The following NAV2 variants were observed in gnomAD, a reference collection of about 807,000 sequenced individuals.
NAV2 encodes helicase, APC down-regulated 1.
Under a neutral mutation model 223.2 loss-of-function variants are expected in NAV2, and 54 were observed. The ratio of observed to expected loss-of-function variants is 0.24; its 90% CI spans 0.19 to 0.30. The LOEUF (loss-of-function observed/expected upper bound fraction) is 0.30, where lower values mean the gene tolerates loss of function less well. NAV2 is among the 10% of genes least tolerant of loss of function. The pLI is 1.00. For synonymous variants in NAV2, 1,279 were observed against 1,239.3 expected (o/e 1.03, Z -0.67); for missense variants, 2,806 against 3,147.5 (o/e 0.89, Z 2.60).
intron 11 of NAV2, among the ~76,000 whole-genome samples, chr11:20,005,000 G>C (rs138591017): frequency 6.6e-6 from 1 of 151,954 alleles, no homozygotes; most frequent in African/African-American, 2.4e-5. Flanking sequence ...GCTTACTTGC[G>C]ATAATCCCAA....
At chr11:19,415,253 T>C (rs1850316398) in intron 1 of NAV2, among the ~76,000 whole-genome samples, 1 of 151,918 alleles carries the variant, frequency 6.6e-6, no homozygotes, top group African/African-American at 2.4e-5. Flanking sequence ...TAAAAAATGG[T>C]AAAGGGGATA....
chr11:20,114,777 T>G lies in NAV2; in HGVS notation c.7146T>G (p.Asp2382Glu), dbSNP rs1287891670. 1.8e-5 allele frequency: 29 copies of G among 1,613,574 alleles called. No individual in the cohort carries two copies. The Middle Eastern group carries it at 1.5e-3, about 83-fold the overall frequency. ...CAAGCAAGCAGATGCCCCCCAGTGA[T>G]GCTGAAGGTGACCCGCTGGTGAGTC... ...GSTSKQMPPSDAEGDPLMNML... is the reference protein window; with the variant it reads ...GSTSKQMPPSEAEGDPLMNML... The change falls in exon 37 of 38, where the codon GAT becomes GAG. Residue 2382 changes from aspartate (D) to glutamate (E), a missense_variant. Around this residue, in one of 4 missense-constraint regions of NAV2, gnomAD observed 824 missense variants for 1,069.4 expected, o/e 0.77. Coordinates refer to ENST00000349880, the MANE Select transcript of NAV2 (RefSeq NM_145117.5).
intron 1 of NAV2, chr11:19,504,781 A>C (rs573641998): frequency 1.3e-5 from 2 of 152,194 alleles, no homozygotes; most frequent in Non-Finnish European, 2.9e-5. Context: ...TCCCCCTGGC[A>C]TGTAAGGTAG....
chr11:19,811,960 A>G (rs1276354661), intron 1 of NAV2, among the ~76,000 whole-genome samples: 3 of 152,098 alleles, frequency 2.0e-5, no homozygotes, highest in Non-Finnish European at 4.4e-5. Flanking sequence ...TGGTCTTCCT[A>G]TGGCTTAGTG....
At chr11:19,742,585 T>G (rs1284693972) in intron 1 of NAV2, among the ~76,000 whole-genome samples, 5 of 152,164 alleles carry the variant, frequency 3.3e-5, no homozygotes, top group African/African-American at 1.2e-4. Context: ...CTCCTTGTTC[T>G]GCTTGGTGCC....
chr11:19,664,775 A>T (rs1178683657), intron 1 of NAV2, among the ~76,000 whole-genome samples: 1 of 152,196 alleles, frequency 6.6e-6, no homozygotes, highest in African/African-American at 2.4e-5. Context: ...GAGAATGTTG[A>T]GTTCCACCTC....
chr11:19,841,570 T>C (rs539538155), intron 2 of NAV2, among the ~76,000 whole-genome samples: 4 of 152,102 alleles, frequency 2.6e-5, no homozygotes, highest in Non-Finnish European at 5.9e-5. Flanking sequence ...ACAGCATATT[T>C]TGGGGAAACA....
At chr11:19,792,546 G>A (rs2152732288) in intron 1 of NAV2, among the ~76,000 whole-genome samples, 2 of 152,280 alleles carry the variant, frequency 1.3e-5, no homozygotes, top group East Asian at 1.9e-4. Context: ...TTGCTGCTGT[G>A]ACACTGCTGC....
intron 9 of NAV2, among the ~76,000 whole-genome samples, chr11:19,947,529 A>G (rs1436672465): frequency 6.6e-6 from 1 of 152,204 alleles, no homozygotes; most frequent in Non-Finnish European, 1.5e-5. Context: ...TAATGTTGGC[A>G]TAGCAGTTTG....
At chr11:19,487,544 G>A (rs981269336) in intron 1 of NAV2, among the ~76,000 whole-genome samples, 6 of 152,130 alleles carry the variant, frequency 3.9e-5, no homozygotes, top group African/African-American at 7.2e-5. Context: ...TGCATCCTGC[G>A]GAACTCTTTC....
At chr11:19,396,157 G>A (rs1233306592) in intron 1 of NAV2, among the ~76,000 whole-genome samples, 1 of 152,204 alleles carries the variant, frequency 6.6e-6, no homozygotes, top group African/African-American at 2.4e-5. Context: ...AGTCTCAGCA[G>A]CTATGAAAAT....
At chr11:19,585,105 G>T (rs2045850791) in intron 1 of NAV2, among the ~76,000 whole-genome samples, 1 of 152,148 alleles carries the variant, frequency 6.6e-6, no homozygotes, top group African/African-American at 2.4e-5. Flanking sequence ...AGCTCTTCTT[G>T]TTGAATTGAT....
intron 1 of NAV2, among the ~76,000 whole-genome samples, chr11:19,364,411 G>A (rs755460443): frequency 6.6e-6 from 1 of 152,170 alleles, no homozygotes; most frequent in Non-Finnish European, 1.5e-5. Context: ...ACAGAGGGAT[G>A]CTTACTTATT....
At position 20,045,152 on chromosome 11, in the gene NAV2, C is replaced by T. The variant is rs530942321; in HGVS notation, c.3384C>T (p.Ser1128=). Residue 1128 remains serine, a synonymous_variant, in exon 14 of 38, where the codon TCC becomes TCT. Coordinates refer to ENST00000349880, the MANE Select transcript of NAV2 (RefSeq NM_145117.5). ...NSFGFKKQSG[S]AAGLAMITAS... ...TTGGGTTCAAGAAGCAGAGTGGTTC[C>T]GCCGCCGGCCTGGCCATGATCACAG... The T allele has an allele frequency of 1.2e-4, 192 of 1,614,060 alleles. 1 individual carries two copies. In the East Asian group the frequency reaches 2.8e-3, roughly 24 times the overall value.
chr11:19,912,693 C>T (rs564362097), intron 6 of NAV2, among the ~76,000 whole-genome samples: 1 of 152,280 alleles, frequency 6.6e-6, no homozygotes, highest in East Asian at 1.9e-4. Context: ...TGTAAATTTC[C>T]AAGAGACCCA....
rs1029134383 is a variant in NAV2 at position 19,598,565 on chromosome 11, A to G, written c.76-233919A>G. On this transcript the variant is annotated intron_variant, in intron 1 of 37. Transcript: ENST00000360655. ...TGCCAGACCCTCTTCTAGGTGATGT[A>G]TATGTATTTATTCATTTAACCTCAG... Among the ~76,000 whole-genome samples, 7 of 152,082 alleles carry G rather than the reference A, an allele frequency of 4.6e-5. No homozygotes were observed. The South Asian group carries it at 6.2e-4, about 14-fold the overall frequency.
intron 22 of NAV2, among the ~76,000 whole-genome samples, chr11:20,069,865 T>G (rs933533157): frequency 1.3e-5 from 2 of 152,202 alleles, no homozygotes; most frequent in Admixed American, 1.3e-4. Context: ...CTTAGTTTAC[T>G]CAAGGGAACC....
intron 6 of NAV2, among the ~76,000 whole-genome samples, chr11:19,906,865 T>G (rs1389338325): frequency 6.6e-6 from 1 of 152,152 alleles, no homozygotes; most frequent in Non-Finnish European, 1.5e-5. Context: ...TTCTTGGTAT[T>G]CACAGGCCTA....
In NAV2 at chr11:19,764,742, T is replaced by C. The variant is rs143648582; in HGVS notation, c.267+50780T>C. Among the ~76,000 whole-genome samples, 13 of 152,328 alleles carry C rather than the reference T, an allele frequency of 8.5e-5. No individual in the cohort carries two copies. In the East Asian group the frequency reaches 2.5e-3, roughly 29 times the overall value. ...ATGAATGTATATATAAATGTCTCCA[T>C]TTGATGTCTAATCATCTCAAACTGG... On this transcript the variant is annotated intron_variant, in intron 1 of 37. Coordinates refer to ENST00000349880, the MANE Select transcript of NAV2 (RefSeq NM_145117.5).
Sources: gnomAD v4.1 joint callset for allele counts (sites outside exome capture counted in the v4.1 genomes callset) on GRCh38, gnomAD v4.1.1 for gene constraint, gnomAD v4.1.1 regional missense constraint, MANE v1.5 for transcripts, NCBI Gene and HGNC (gene_info 2026-07-23, HGNC 2026-07-21) for gene names.